The following TBC1D9 variants were observed in gnomAD, a reference collection of about 807,000 sequenced individuals.
The protein encoded by TBC1D9 is TBC1 domain family member 9.
In TBC1D9, 63 loss-of-function variants were observed where a neutral mutation model predicts 132.0. The observed-to-expected ratio is 0.48, with a 90% CI of 0.39 to 0.59. TBC1D9 has a LOEUF of 0.59. Ranked by LOEUF, TBC1D9 falls within the 20% of genes least tolerant of loss-of-function variation. The pLI is 0.00. For missense variants in TBC1D9, 1,261 were observed against 1,592.7 expected (o/e 0.79, Z 3.54); for synonymous variants, 610 against 609.9 (o/e 1.00, Z 0.00).
intron 9 of TBC1D9, 88 bp downstream of exon 9, chr4:140,668,829 C>A (rs1737488112): frequency 1.9e-5 from 27 of 1,408,376 alleles, no homozygotes; most frequent in Non-Finnish European, 2.6e-5. Flanking sequence ...TTTGAAAGAA[C>A]CCCTGAGGCA....
At chr4:140,712,449 A>ATATATATATATATATATATATATATATAT (rs1738258914) in intron 1 of TBC1D9, among the ~76,000 whole-genome samples, 1 of 102,706 alleles carries the variant, frequency 9.7e-6, no homozygotes. Flanking sequence ...AAAAAAAAAG[A>ATATATATATATATATATATATATATATAT]ATATATATAT....
At chr4:140,624,500 C>A in intron 18 of TBC1D9, 112 bp from the exon 19 acceptor site, 2 of 600,862 alleles carry the variant, frequency 3.3e-6, no homozygotes, top group African/African-American at 2.2e-5. Context: ...CCTGATTTAG[C>A]AAACAAACAA....
rs144882300 is a variant in TBC1D9, at chr4:140,682,500, T to G, written c.361-2657A>C. 3.3e-5 allele frequency among the ~76,000 whole-genome samples: 5 copies of G among 152,298 alleles called. No individual in the cohort carries two copies. The East Asian group carries it at 9.6e-4, about 29-fold the overall frequency. ...AAGTCAATTCAGAAGGGAAAAGGGA[T>G]GAAAAATGCCTTTCGCAGTTGGCAA... On this transcript the variant is annotated intron_variant, in intron 3 of 20. Transcript: ENST00000442267.
Position 140,641,185 on chromosome 4 carries a change from G to A in TBC1D9, c.2338-1757C>T, listed in dbSNP as rs1175990401. On this transcript the variant is annotated intron_variant, in intron 13 of 20. Transcript: ENST00000442267. ...TCAAAAGAAATCAAAGATCATCTAC[G>A]CTTTTAGAAGTCTGGAGATTTATTA... Among the ~76,000 whole-genome samples, 5 of 149,796 alleles carry A rather than the reference G, an allele frequency of 3.3e-5. No homozygotes were observed. The East Asian group carries it at 7.8e-4, about 23-fold the overall frequency.
intron 1 of TBC1D9, among the ~76,000 whole-genome samples, chr4:140,711,417 C>A (rs1399936902): frequency 1.3e-5 from 2 of 152,102 alleles, no homozygotes; most frequent in Admixed American, 1.3e-4. Context: ...TATATCAATC[C>A]CCTCCTGGAT....
chr4:140,634,126 G>T lies in TBC1D9; in HGVS notation c.2568C>A (p.Pro856=), dbSNP rs1345546062. Residue 856 remains proline (P), a synonymous_variant, in exon 16 of 21, where the codon CCC becomes CCA. Transcript: ENST00000442267. ...GATACTGTTCCAGGTAGGGCAGGCT[G>T]GGGTCATGCCGGTCCAGCGCGTTGC... ...GSSNALDRHD[P]SLPYLEQYRI... The T allele has an allele frequency of 1.9e-6, 3 of 1,613,838 alleles. No homozygotes were observed. The South Asian group carries it at 3.3e-5, about 18-fold the overall frequency.
chr4:140,631,076 T>C (rs867106996), intron 16 of TBC1D9, among the ~76,000 whole-genome samples: 23 of 152,370 alleles, frequency 1.5e-4, no homozygotes, highest in Middle Eastern at 3.4e-3. Context: ...AATTTCCATA[T>C]ACTTTCACCT....
intron 16 of TBC1D9, among the ~76,000 whole-genome samples, chr4:140,633,497 C>T (rs970231479): frequency 1.3e-5 from 2 of 152,138 alleles, no homozygotes; most frequent in African/African-American, 2.4e-5. Context: ...TCCATTTAGG[C>T]CGCAGGGCTG....
At chr4:140,720,449 CTAA>C in intron 1 of TBC1D9, among the ~76,000 whole-genome samples, 1 of 152,206 alleles carries the variant, frequency 6.6e-6, no homozygotes, top group African/African-American at 2.4e-5. Context: ...AGGAGGTTTC[CTAA>C]TACAGAATTA....
At chr4:140,660,341 A>G (rs1737337538) in intron 10 of TBC1D9, among the ~76,000 whole-genome samples, 7 of 152,276 alleles carry the variant, frequency 4.6e-5, no homozygotes, top group Admixed American at 3.9e-4. Flanking sequence ...TTAATTAAAA[A>G]GAGGAAGATC....
At chr4:140,698,664 C>A (rs557294031) in intron 2 of TBC1D9, among the ~76,000 whole-genome samples, 4 of 149,048 alleles carry the variant, frequency 2.7e-5, no homozygotes, top group African/African-American at 1.0e-4. Flanking sequence ...CTTGAGCCTA[C>A]GAGGCAGATG....
chr4:140,669,996 C>T (rs920920401), intron 7 of TBC1D9, among the ~76,000 whole-genome samples, 192 bp from the exon 8 acceptor site: 4 of 152,100 alleles, frequency 2.6e-5, no homozygotes, highest in Non-Finnish European at 2.9e-5. Flanking sequence ...GGTCCCAGGC[C>T]GCAGCACTTC....
chr4:140,649,429 G>A lies in TBC1D9; in HGVS notation c.2337+7668C>T, dbSNP rs551740565. On this transcript the variant is annotated intron_variant, in intron 13 of 20. Coordinates refer to ENST00000442267, the MANE Select transcript of TBC1D9 (RefSeq NM_015130.3). Reference sequence around the variant, plus strand: ...TGTTAGCAGAAGGCTGAGCACCAGTGACACCTGAGACATTCCTTGATCAGA... The same window carrying A: ...TGTTAGCAGAAGGCTGAGCACCAGTAACACCTGAGACATTCCTTGATCAGA... 3.7e-4 allele frequency among the ~76,000 whole-genome samples: 56 copies of A among 152,364 alleles called. No individual in the cohort carries two copies. The East Asian group carries it at 9.2e-3, about 25-fold the overall frequency.
At chr4:140,675,447 G>A (rs958016301) in intron 6 of TBC1D9, among the ~76,000 whole-genome samples, 14 of 152,134 alleles carry the variant, frequency 9.2e-5, no homozygotes, top group African/African-American at 3.1e-4. Flanking sequence ...GTTGGAAGAG[G>A]TCAGGTTAGA....
At chr4:140,654,884 A>G (rs1013435203) in intron 13 of TBC1D9, among the ~76,000 whole-genome samples, 4 of 152,056 alleles carry the variant, frequency 2.6e-5, no homozygotes, top group African/African-American at 7.2e-5. Context: ...ATAATCAGAG[A>G]TGTGATATTT....
In TBC1D9 at chr4:140,648,102, A is replaced by G. The variant is rs1263769162; in HGVS notation, c.2338-8674T>C. On this transcript the variant is annotated intron_variant, in intron 13 of 20. Transcript: ENST00000442267. Reference sequence around the variant, plus strand: ...CACCACATATTCCAGTTCCTTGAGAAGTGCTAGTTCACTAATATCACAATA... The same window carrying G: ...CACCACATATTCCAGTTCCTTGAGAGGTGCTAGTTCACTAATATCACAATA... Among the ~76,000 whole-genome samples, 3 of 152,202 alleles carry G rather than the reference A, an allele frequency of 2.0e-5. No homozygotes were observed. The East Asian group carries it at 5.8e-4, about 29-fold the overall frequency.
In TBC1D9 at chr4:140,643,860, G is replaced by A. The variant is rs368531733; in HGVS notation, c.2338-4432C>T. ...ACCTCTGCATCCGCCTGCAGGGCTC[G>A]GGGTAGCCATGGTTTCCATGGCGGG... On this transcript the variant is annotated intron_variant, in intron 13 of 20. Coordinates refer to ENST00000442267, the MANE Select transcript of TBC1D9 (RefSeq NM_015130.3). The A allele has an allele frequency of 1.1e-4, 81 of 725,368 alleles. No individual in the cohort carries two copies. In the East Asian group the frequency reaches 1.7e-3, roughly 15 times the overall value. 44.9% of individuals were successfully genotyped at this position (725,368 alleles called of 1,614,324 possible). A position where few individuals can be genotyped will look rare whatever the true frequency, so the allele number is the denominator to read the frequency against.
intron 1 of TBC1D9, among the ~76,000 whole-genome samples, chr4:140,729,366 A>G (rs544793784): frequency 6.6e-6 from 1 of 152,206 alleles, no homozygotes; most frequent in African/African-American, 2.4e-5. Context: ...TTCTGATGAT[A>G]TGAAAATGAG....
intron 1 of TBC1D9, among the ~76,000 whole-genome samples, chr4:140,713,001 T>C (rs1738274623): frequency 6.6e-6 from 1 of 152,230 alleles, no homozygotes; most frequent in Admixed American, 6.5e-5. Flanking sequence ...AGAGCTTATA[T>C]ACCTTCTAAG....
Sources: allele counts gnomAD v4.1 joint callset (sites outside exome capture counted in the v4.1 genomes callset), GRCh38; gene constraint gnomAD v4.1.1; transcripts MANE v1.5; gene names NCBI Gene and HGNC (gene_info 2026-07-23, HGNC 2026-07-21).